Variants in CEP170B observed in about 807,000 individuals in gnomAD.
CEP170B encodes the protein centrosomal protein 170B.
A neutral mutation model predicts 120.6 loss-of-function variants in CEP170B; 55 were observed. The ratio of observed to expected loss-of-function variants is 0.46; its 90% confidence interval spans 0.37 to 0.57. The LOEUF (loss-of-function observed/expected upper bound fraction) is 0.57, where lower values mean the gene tolerates loss of function less well. Among genes scored for constraint, CEP170B ranks in the 20% least tolerant of loss-of-function variants. The probability of loss-of-function intolerance (pLI) is 0.00; values close to 1 mark genes in which losing one functional copy is unlikely to be tolerated. For synonymous variants in CEP170B, 1,033 were observed against 954.5 expected, an observed-to-expected ratio of 1.08 and a Z score of -1.52; for missense variants, 2,212 against 2,253.3, an observed-to-expected ratio of 0.98 and a Z score of 0.37.
At chr14:104,885,941 TG>T in intron 10 of CEP170B, 98 bp from the exon 11 acceptor site, 1 of 1,058,480 alleles carries the variant, frequency 9.4e-7, no homozygotes, top group Non-Finnish European at 1.3e-6. Context: ...TGCGTGGGGC[TG>T]GTGTTGGCTG....
chr14:104,880,527 A>G, intron 6 of CEP170B, 102 bp downstream of exon 6: 1 of 1,482,912 alleles, frequency 6.7e-7, no homozygotes, highest in Non-Finnish European at 9.1e-7. Context: ...GCATGCATAT[A>G]CCATGTACAC....
chr14:104,871,866 A>G (rs1895501165), intron 2 of CEP170B, among the ~76,000 whole-genome samples: 2 of 152,282 alleles, frequency 1.3e-5, no homozygotes, highest in Admixed American at 1.3e-4. Context: ...GGTAGCTTGG[A>G]CCACAGCAGG....
At chr14:104,876,626 G>A (rs893637530) in intron 3 of CEP170B, among the ~76,000 whole-genome samples, 12 of 151,840 alleles carry the variant, frequency 7.9e-5, no homozygotes, top group East Asian at 1.9e-4. Flanking sequence ...CTCCCAGATC[G>A]GGCCCCATCC....
intron 4 of CEP170B, 54 bp downstream of exon 4, chr14:104,878,017 C>A: frequency 1.5e-6 from 2 of 1,373,330 alleles, no homozygotes; most frequent in Non-Finnish European, 1.0e-6. Flanking sequence ...TCCCCAGGAC[C>A]ACAGTCACCC....
chr14:104,893,001 G>A lies in CEP170B; in HGVS notation c.3904G>A (p.Val1302Met), dbSNP rs1259334363. 3.8e-6 allele frequency: 6 copies of A among 1,575,354 alleles called. No individual in the cohort carries two copies. The highest frequency in any genetic ancestry group is 1.7e-4 in the Middle Eastern group (1 of 5,942). ...ARLSQTLVKD[V>M]AILAQEIHDV... ...GCTGAGCCAGACGCTGGTGAAGGAC[G>A]TGGCCATCCTAGCCCAGGAGATCCA... The change falls in exon 14 of 19, where the codon GTG becomes ATG. Residue 1302 changes from valine (V) to methionine (M), a missense_variant. By Grantham distance (21) the Val-to-Met change is conservative. Coordinates refer to ENST00000414716, the MANE Select transcript of CEP170B (RefSeq NM_001112726.3).
In CEP170B at chr14:104,867,890, C is replaced by T. The variant is rs1276722539; in HGVS notation, c.-27-534C>T. On this transcript the variant is annotated intron_variant, in intron 1 of 18. Coordinates refer to ENST00000414716, the MANE Select transcript of CEP170B (RefSeq NM_001112726.3). This position sits in a 1 kb window ranked among gnomAD's most constrained non-coding sequence, Gnocchi z 5.4. Reference sequence around the variant, plus strand: ...CAGGGCCCCTGTCTCCAGCTCTGTCCCTGCTGCCCCTCACCCCAGGCCCTG... The same window carrying T: ...CAGGGCCCCTGTCTCCAGCTCTGTCTCTGCTGCCCCTCACCCCAGGCCCTG... Among the ~76,000 whole-genome samples the T allele has an allele frequency of 6.6e-6, 1 of 152,116 alleles. No individual in the cohort carries two copies. Among genetic ancestry groups the T allele is most frequent in the Non-Finnish European group, 1.5e-5 (1 of 68,012 alleles).
intron 5 of CEP170B, 142 bp downstream of exon 5, chr14:104,878,643 A>G: frequency 1.2e-6 from 1 of 821,896 alleles, no homozygotes. Flanking sequence ...GCCATGAGTC[A>G]GGCCAGCCTG....
At chr14:104,881,898 C>T (rs900514623) in intron 6 of CEP170B, among the ~76,000 whole-genome samples, 3 of 152,052 alleles carry the variant, frequency 2.0e-5, no homozygotes, top group South Asian at 2.1e-4. Context: ...CTGGCCCCAG[C>T]GCAGTGTGCA....
chr14:104,872,702 C>T (rs903218687), intron 2 of CEP170B, among the ~76,000 whole-genome samples: 32 of 152,078 alleles, frequency 2.1e-4, no homozygotes, highest in Admixed American at 2.6e-4. Flanking sequence ...TGCATCGAGC[C>T]GGTCTGCTGC....
In CEP170B at chr14:104,880,324, A is replaced by G. The variant is rs1292066830; in HGVS notation, c.371A>G (p.Lys124Arg). The G allele has an allele frequency of 6.2e-7, 1 of 1,610,026 alleles. No homozygotes were observed. The highest frequency in any genetic ancestry group is 2.2e-5 in the East Asian group (1 of 44,726). ...ACCAGCCAGCTGCAGGTGAGCGTGAAGGGTTTGGCGCCCAAGAGGAGCGAG... is the reference window on the plus strand; with the variant it reads ...ACCAGCCAGCTGCAGGTGAGCGTGAGGGGTTTGGCGCCCAAGAGGAGCGAG... Reference protein sequence around the residue: ...KYTSQLQVSVKGLAPKRSEAL... With the variant: ...KYTSQLQVSVRGLAPKRSEAL... The change falls in exon 6 of 19, where the codon AAG becomes AGG. Residue 124 changes from lysine to arginine, a missense_variant. Lys to Arg is a conservative substitution (Grantham distance 26). Transcript: ENST00000414716.
chr14:104,877,261 G>A (rs1291335272), intron 3 of CEP170B, among the ~76,000 whole-genome samples: 1 of 152,190 alleles, frequency 6.6e-6, no homozygotes, highest in Non-Finnish European at 1.5e-5. Flanking sequence ...TGTGGACTGC[G>A]TCACCCACAT....
chr14:104,876,385 G>A (rs574595859), intron 3 of CEP170B, 40 bp downstream of exon 3: 99 of 1,536,722 alleles, frequency 6.4e-5, no homozygotes, highest in South Asian at 6.2e-4. Context: ...TTAACAGCTC[G>A]ACCCTTCAGC....
chr14:104,877,503 C>T (rs745653845), intron 3 of CEP170B, among the ~76,000 whole-genome samples: 1 of 152,226 alleles, frequency 6.6e-6, no homozygotes, highest in Non-Finnish European at 1.5e-5. Context: ...CAGGGCAGGC[C>T]TGCCTCGACT....
chr14:104,864,781 C>T (rs977002136), upstream of CEP170B, among the ~76,000 whole-genome samples: 3 of 152,216 alleles, frequency 2.0e-5, no homozygotes, highest in African/African-American at 7.2e-5. This position sits in a 1 kb window ranked among gnomAD's most constrained non-coding sequence, Gnocchi z 5.9. Flanking sequence ...ACCCTGACTC[C>T]TTCACCGTCC....
chr14:104,877,833 G>GCCCCCCCCCCCCCCCGCCCCCCCCCCCC, intron 3 of CEP170B, 52 bp from the exon 4 acceptor site: 2 of 359,810 alleles, frequency 5.6e-6, no homozygotes, highest in South Asian at 3.5e-5. Context: ...CCTGCCCACA[G>GCCCCCCCCCCCCCCCGCCCCCCCCCCCC]CCACCCACCC....
At position 104,884,448 on chromosome 14, in the gene CEP170B, A is replaced by C. The variant is rs918655591; in HGVS notation, c.1669A>C (p.Lys557Gln). The C allele has an allele frequency of 1.9e-6, 3 of 1,541,254 alleles. No individual in the cohort carries two copies. Among genetic ancestry groups the C allele is most frequent in the Non-Finnish European group, 2.6e-6 (3 of 1,140,176 alleles). ...GGACCCCCAGCTGACCAAGGCACGG[A>C]AACAGGAGGAGGACGACAGCCTCAG... is the stretch of plus-strand genomic sequence containing the variant. The part of the protein sequence containing the change: ...PTDPQLTKAR[K>Q]QEEDDSLSDA... Residue 557 changes from lysine to glutamine, a missense_variant, in exon 9 of 19, where the codon AAA (lysine) becomes CAA (glutamine). Physicochemically the swap from Lys to Gln is moderately conservative, Grantham distance 53. This residue lies in a region of CEP170B where 2,166 missense variants were observed against 2,166.7 expected (regional missense o/e 1.00). Transcript: ENST00000414716.
chr14:104,895,064 A>T lies in CEP170B; in HGVS notation c.*106A>T. The stretch of plus-strand genomic sequence containing the variant: ...CAGGTGGTTCTCCCTGAAGACCCCC[A>T]CATGTGCCATATCCCTGTGGGCGGG... On this transcript the variant is annotated 3_prime_UTR_variant, in exon 19 of 19. Coordinates refer to ENST00000414716, the MANE Select transcript of CEP170B (RefSeq NM_001112726.3). 7.7e-7 allele frequency: 1 copy of T among 1,301,930 alleles called. No homozygotes were observed. The highest frequency in any genetic ancestry group is 2.6e-5 in the East Asian group (1 of 38,394). The allele number at this position is 1,301,930 out of a possible 1,614,324, so 80.6% of individuals were successfully genotyped here.
chr14:104,882,921 CG>C (rs1566860914), intron 7 of CEP170B, 89 bp downstream of exon 7: 4 of 1,468,108 alleles, frequency 2.7e-6, no homozygotes, highest in Non-Finnish European at 2.7e-6. Flanking sequence ...GAGCCCACTC[CG>C]GGGGACATGG....
chr14:104,877,995 G>A, intron 4 of CEP170B, 32 bp downstream of exon 4: 1 of 1,563,738 alleles, frequency 6.4e-7, no homozygotes, highest in Non-Finnish European at 8.7e-7. Flanking sequence ...CTCCTCCTGG[G>A]CTTCTTCTCA....
Sources: gnomAD v4.1 joint callset for allele counts (sites outside exome capture counted in the v4.1 genomes callset) on GRCh38, gnomAD v4.1.1 for gene constraint, gnomAD v4.1.1 regional missense constraint, Gnocchi (gnomAD v3.1) non-coding constraint, MANE v1.5 for transcripts, NCBI Gene and HGNC (gene_info 2026-07-23, HGNC 2026-07-21) for gene names.